The following ZFPM2 variants were observed in gnomAD, a reference collection of about 807,000 sequenced individuals.
The protein encoded by ZFPM2 is zinc finger protein, FOG family member 2.
A neutral mutation model predicts 98.6 loss-of-function variants in ZFPM2; 20 were observed. The ratio of observed to expected loss-of-function variants is 0.20; its 90% CI spans 0.14 to 0.29. The LOEUF is 0.29. Ranked by LOEUF, ZFPM2 falls within the 10% of genes least tolerant of loss-of-function variation. The pLI is 1.00. For synonymous variants in ZFPM2, 518 were observed against 502.7 expected, an observed-to-expected ratio of 1.03 and a Z score of -0.41; for missense variants, 1,310 against 1,388.6, an observed-to-expected ratio of 0.94 and a Z score of 0.90.
At position 105,803,171 on chromosome 8, in the gene ZFPM2, A is replaced by G; in HGVS notation, c.3089A>G (p.Asp1030Gly). 2 of 1,613,918 alleles carry G rather than the reference A, an allele frequency of 1.2e-6. No individual in the cohort carries two copies. Among genetic ancestry groups the G allele is most frequent in the Non-Finnish European group, 1.7e-6 (2 of 1,179,834 alleles). ...AATGGGTGTGCTGCGCTGAAGAAAG[A>G]TTCTCTGCCATTGTTGCCCAAAAAT... ...SSNGCAALKKDSLPLLPKNRG... is the reference protein window; with the variant it reads ...SSNGCAALKKGSLPLLPKNRG... Residue 1030 changes from aspartate to glycine, a missense_variant, in exon 8 of 8, where the codon GAT (aspartate) becomes GGT (glycine). Transcript: ENST00000407775.
At chr8:105,690,830 A>G (rs1462954619) in intron 5 of ZFPM2, 1 of 152,152 alleles carries the variant, frequency 6.6e-6, no homozygotes, top group African/African-American at 2.4e-5. Context: ...GGTCATTTTT[A>G]CCAAAAGCAC....
At chr8:105,601,967 C>T (rs1222347894) in intron 4 of ZFPM2, among the ~76,000 whole-genome samples, 2 of 152,088 alleles carry the variant, frequency 1.3e-5, no homozygotes, top group African/African-American at 2.4e-5. Flanking sequence ...ACCCTCAGGA[C>T]GCCTTCAACA....
intron 1 of ZFPM2, among the ~76,000 whole-genome samples, chr8:105,402,045 T>G (rs1811351844): frequency 6.6e-6 from 1 of 152,116 alleles, no homozygotes; most frequent in African/African-American, 2.4e-5. Context: ...AGTAATAATT[T>G]GTTAATATTC....
chr8:105,393,502 A>G (rs80073125), intron 1 of ZFPM2, among the ~76,000 whole-genome samples: 1,668 of 152,264 alleles, frequency 0.011, 14 homozygotes, highest in Non-Finnish European at 0.019. Flanking sequence ...CTCATTTAGT[A>G]TCTACACAAC....
chr8:105,440,298 C>T (rs1812209810), intron 2 of ZFPM2, among the ~76,000 whole-genome samples: 1 of 150,840 alleles, frequency 6.6e-6, no homozygotes, highest in Non-Finnish European at 1.5e-5. Flanking sequence ...ACTGATTTTC[C>T]CTTTGTAGTA....
chr8:105,349,578 G>A (rs892372903), intron 1 of ZFPM2, among the ~76,000 whole-genome samples: 6 of 152,086 alleles, frequency 3.9e-5, no homozygotes, highest in African/African-American at 1.2e-4. Flanking sequence ...TTAGGTCAAC[G>A]TAATGAAACT....
At chr8:105,793,106 G>A (rs1813674447) in intron 6 of ZFPM2, among the ~76,000 whole-genome samples, 1 of 151,794 alleles carries the variant, frequency 6.6e-6, no homozygotes, top group Non-Finnish European at 1.5e-5. Flanking sequence ...ATATAGTTTT[G>A]TGTGAATTTG....
At chr8:105,418,895 G>A (rs878923104) in intron 1 of ZFPM2, 1 of 572,820 alleles carries the variant, frequency 1.7e-6, no homozygotes, top group Non-Finnish European at 3.1e-6. Flanking sequence ...TGGGGGTGGG[G>A]ACGCAATGGA....
intron 5 of ZFPM2, among the ~76,000 whole-genome samples, chr8:105,684,067 A>G (rs935240568): frequency 1.2e-4 from 18 of 152,276 alleles, no homozygotes; most frequent in Middle Eastern, 3.4e-3. Context: ...TCTAAACCTT[A>G]CAGATAGAGA....
rs112606160 is a variant in ZFPM2 at position 105,421,992 on chromosome 8, A to C, written c.199+2690A>C. Among the ~76,000 whole-genome samples the C allele has an allele frequency of 3.9e-4, 53 of 134,514 alleles. 1 individual carries two copies. The highest frequency in any genetic ancestry group is 1.5e-3 in the African/African-American group (53 of 35,110). The allele number at this position is 134,514 out of a possible 152,430, so 88.2% of individuals were successfully genotyped here. On this transcript the variant is annotated intron_variant, in intron 2 of 7. Transcript: ENST00000407775. ...AACCCAGAAGGCAGAAGTTGCAGTGAGTTGAGATCGCACCACCGCACTCTA... is the reference window on the plus strand; with the variant it reads ...AACCCAGAAGGCAGAAGTTGCAGTGCGTTGAGATCGCACCACCGCACTCTA...
Position 105,522,340 on chromosome 8 carries a change from C to T in ZFPM2, c.302-39023C>T, listed in dbSNP as rs576929762. Among the ~76,000 whole-genome samples the T allele has an allele frequency of 1.6e-3, 240 of 152,266 alleles. 1 individual carries two copies. The highest frequency in any genetic ancestry group is 5.4e-3 in the African/African-American group (225 of 41,558). ...GGAACGATGTTTGGGAGAACAACAT[C>T]TTTTAACTTTTCACCATGTAATTAA... On this transcript the variant is annotated intron_variant, in intron 3 of 7. Transcript: ENST00000407775.
Position 105,355,038 on chromosome 8 carries a change from C to G in ZFPM2, c.40+36057C>G, listed in dbSNP as rs141417575. On this transcript the variant is annotated intron_variant, in intron 1 of 7. Transcript: ENST00000407775. Reference sequence around the variant, plus strand: ...TTTCTATATTTTCAGATGTAACATGCTATTTTATTGCAATTTTCATAATAT... The same window carrying G: ...TTTCTATATTTTCAGATGTAACATGGTATTTTATTGCAATTTTCATAATAT... Among the ~76,000 whole-genome samples the G allele has an allele frequency of 5.0e-3, 757 of 152,210 alleles. 6 individuals carry two copies. The highest frequency in any genetic ancestry group is 0.017 in the African/African-American group (701 of 41,534).
intron 5 of ZFPM2, among the ~76,000 whole-genome samples, chr8:105,785,614 G>T (rs1322857089): frequency 6.6e-6 from 1 of 152,166 alleles, no homozygotes; most frequent in African/African-American, 2.4e-5. Flanking sequence ...CCCAAAGAAA[G>T]AACTCCTGGC....
chr8:105,651,323 C>A (rs768993872), intron 5 of ZFPM2, among the ~76,000 whole-genome samples: 4 of 151,992 alleles, frequency 2.6e-5, no homozygotes, highest in Admixed American at 6.6e-5. Context: ...CAAAAATTAG[C>A]CGGGTGTGGT....
intron 1 of ZFPM2, among the ~76,000 whole-genome samples, chr8:105,379,848 C>T (rs946637628): frequency 2.0e-5 from 3 of 151,500 alleles, no homozygotes; most frequent in Non-Finnish European, 4.4e-5. Context: ...TTTTTGACTA[C>T]TCAGTAAAGT....
At chr8:105,396,671 T>C (rs1324714475) in intron 1 of ZFPM2, among the ~76,000 whole-genome samples, 1 of 152,232 alleles carries the variant, frequency 6.6e-6, no homozygotes, top group African/African-American at 2.4e-5. Flanking sequence ...ATGTTTATCA[T>C]GCTTTACTTT....
intron 1 of ZFPM2, among the ~76,000 whole-genome samples, chr8:105,329,890 C>A (rs553697983): frequency 2.0e-5 from 3 of 151,644 alleles, no homozygotes; most frequent in Non-Finnish European, 4.4e-5. Flanking sequence ...TAGAATGTTT[C>A]TTTGCATTTT....
intron 7 of ZFPM2, among the ~76,000 whole-genome samples, chr8:105,799,665 A>T (rs1216754745): frequency 2.6e-5 from 4 of 152,324 alleles, no homozygotes; most frequent in South Asian, 2.1e-4. Flanking sequence ...CATATTTTTT[A>T]AAAAATGAAT....
intron 5 of ZFPM2, among the ~76,000 whole-genome samples, chr8:105,644,456 C>A (rs146883979): frequency 3.3e-5 from 5 of 151,850 alleles, no homozygotes; most frequent in Admixed American, 1.3e-4. Flanking sequence ...AATTGTCTGT[C>A]TGAACAGTCT....
Sources: gnomAD v4.1 joint callset for allele counts (sites outside exome capture counted in the v4.1 genomes callset) on GRCh38, gnomAD v4.1.1 for gene constraint, MANE v1.5 for transcripts, NCBI Gene and HGNC (gene_info 2026-07-23, HGNC 2026-07-21) for gene names.